The following PACRG variants were observed in gnomAD, a reference collection of about 807,000 sequenced individuals.
PACRG encodes parkin coregulated.
PACRG carries 29 observed loss-of-function variants against 29.7 expected under a neutral mutation model. That is an observed-to-expected ratio of 0.98 (90% CI 0.73 to 1.33). PACRG has a LOEUF of 1.33. Among genes scored for constraint, PACRG ranks in the 40% most tolerant of loss-of-function variants. The probability of loss-of-function intolerance (pLI) is 0.00; values close to 1 mark genes in which losing one functional copy is unlikely to be tolerated. For missense variants in PACRG, 279 were observed against 316.2 expected (o/e 0.88, Z 0.89); for synonymous variants, 116 against 118.7 (o/e 0.98, Z 0.15).
intron 1 of PACRG, among the ~76,000 whole-genome samples, chr6:162,793,376 T>C (rs1217955227): frequency 6.6e-6 from 1 of 152,216 alleles, no homozygotes; most frequent in Admixed American, 6.5e-5. Flanking sequence ...TATTTTTATT[T>C]TTCAGAAGTA....
chr6:163,089,225 A>G (rs1048944205), intron 3 of PACRG, 34 bp from the exon 4 acceptor site: 24 of 1,596,934 alleles, frequency 1.5e-5, no homozygotes, highest in African/African-American at 2.7e-5. Context: ...TTCTATTAAA[A>G]TATTTTCTGC....
At chr6:162,885,621 G>A (rs946730018) in intron 2 of PACRG, among the ~76,000 whole-genome samples, 7 of 152,138 alleles carry the variant, frequency 4.6e-5, no homozygotes, top group African/African-American at 1.7e-4. Context: ...ATTATGTATT[G>A]ATCGTTGATG....
chr6:162,912,198 A>G (rs79593221), intron 2 of PACRG, among the ~76,000 whole-genome samples: 293 of 152,344 alleles, frequency 1.9e-3, no homozygotes, highest in Non-Finnish European at 2.9e-3. Context: ...ACTCCCTAGT[A>G]TATTTCCATC....
intron 2 of PACRG, among the ~76,000 whole-genome samples, chr6:162,869,812 T>G (rs1484469138): frequency 6.6e-6 from 1 of 152,238 alleles, no homozygotes; most frequent in Non-Finnish European, 1.5e-5. Context: ...TTATTATTAC[T>G]GTGAAACTAA....
intron 4 of PACRG, among the ~76,000 whole-genome samples, chr6:163,297,672 T>C (rs185762998): frequency 5.3e-5 from 8 of 152,292 alleles, no homozygotes; most frequent in African/African-American, 1.9e-4. Context: ...ATTCACACTT[T>C]TCACATACAA....
chr6:163,019,371 C>T (rs1302145145), intron 2 of PACRG, among the ~76,000 whole-genome samples: 1 of 152,190 alleles, frequency 6.6e-6, no homozygotes, highest in Non-Finnish European at 1.5e-5. Context: ...TCTCTTCTGT[C>T]TTTCCCTCCT....
chr6:162,811,746 T>C (rs1434932746), intron 1 of PACRG, among the ~76,000 whole-genome samples: 1 of 152,154 alleles, frequency 6.6e-6, no homozygotes, highest in African/African-American at 2.4e-5. Flanking sequence ...GATGTATCCA[T>C]GCCATGGAAT....
chr6:163,308,874 G>C (rs1450393438), intron 4 of PACRG, among the ~76,000 whole-genome samples: 2 of 152,194 alleles, frequency 1.3e-5, no homozygotes, highest in Admixed American at 1.3e-4. Context: ...GCCAGCTTTA[G>C]CTGTGACTGA....
chr6:163,108,521 T>TTCA (rs1646716300), intron 4 of PACRG, among the ~76,000 whole-genome samples: 1 of 150,788 alleles, frequency 6.6e-6, no homozygotes, highest in Non-Finnish European at 1.5e-5. Context: ...AGTCCCTGAG[T>TTCA]AGCTGGGACC....
intron 2 of PACRG, among the ~76,000 whole-genome samples, chr6:163,010,348 T>A (rs1272988162): frequency 2.0e-5 from 3 of 152,208 alleles, no homozygotes; most frequent in Non-Finnish European, 4.4e-5. Context: ...CAGGGAGAAT[T>A]GAGGACGTCA....
In PACRG at chr6:162,899,277, AC is replaced by A. The variant is rs556532365; in HGVS notation, c.291+84997del. ...AGGAGGTTAGAGGGAGATGCAGTACACTCTCACCAGGCAGTGTGAAGACAGG... is the reference window on the plus strand; with the variant it reads ...AGGAGGTTAGAGGGAGATGCAGTACATCTCACCAGGCAGTGTGAAGACAGG... On this transcript the variant is annotated intron_variant, in intron 2 of 4. Coordinates refer to ENST00000366888, the MANE Select transcript of PACRG (RefSeq NM_001080379.2). 2.5e-4 allele frequency among the ~76,000 whole-genome samples: 38 copies of A among 152,118 alleles called. 1 individual carries two copies. The South Asian group carries it at 5.2e-3, about 21-fold the overall frequency.
At chr6:163,209,712 C>T (rs1191135348) in intron 4 of PACRG, among the ~76,000 whole-genome samples, 1 of 152,138 alleles carries the variant, frequency 6.6e-6, no homozygotes, top group East Asian at 1.9e-4. Context: ...GACAACATAT[C>T]CAAGCCATAA....
In PACRG at chr6:163,099,912, T is replaced by C. The variant is rs117941288; in HGVS notation, c.613+10504T>C. On this transcript the variant is annotated intron_variant, in intron 4 of 4. Coordinates refer to ENST00000366888, the MANE Select transcript of PACRG (RefSeq NM_001080379.2). ...TCGCACGTGCTCTTCTAGAGACTGATGGGAACGCTCAGCTTGCTTCACTCT... is the reference window on the plus strand; with the variant it reads ...TCGCACGTGCTCTTCTAGAGACTGACGGGAACGCTCAGCTTGCTTCACTCT... 4.3e-3 allele frequency among the ~76,000 whole-genome samples: 649 copies of C among 152,222 alleles called. 12 individuals are homozygous for C. In the East Asian group the frequency reaches 0.056, roughly 13 times the overall value.
chr6:163,268,815 C>T (rs573886104), intron 4 of PACRG, among the ~76,000 whole-genome samples: 4 of 152,270 alleles, frequency 2.6e-5, no homozygotes, highest in South Asian at 2.1e-4. Flanking sequence ...AGTGGCTCCC[C>T]GTAGCTTCCT....
chr6:162,900,340 C>A (rs570389174), intron 2 of PACRG, among the ~76,000 whole-genome samples: 1 of 152,224 alleles, frequency 6.6e-6, no homozygotes, highest in African/African-American at 2.4e-5. Flanking sequence ...ATATCCGTCC[C>A]CATTCTACCC....
intron 2 of PACRG, among the ~76,000 whole-genome samples, chr6:162,966,692 G>A (rs1801060160): frequency 6.6e-6 from 1 of 151,934 alleles, no homozygotes; most frequent in Non-Finnish European, 1.5e-5. Flanking sequence ...TAGCCAGGAT[G>A]GTCTCGATCT....
chr6:162,763,871 G>A (rs1271077555), intron 1 of PACRG, among the ~76,000 whole-genome samples: 2 of 150,284 alleles, frequency 1.3e-5, no homozygotes, highest in South Asian at 4.1e-4. Flanking sequence ...CTCAACTAAA[G>A]ACGGATATCA....
intron 2 of PACRG, among the ~76,000 whole-genome samples, chr6:162,842,725 C>T (rs1426985635): frequency 3.6e-4 from 46 of 127,138 alleles, no homozygotes; most frequent in African/African-American, 1.3e-3. Context: ...GATTTTGCAG[C>T]GGCTGGTACC....
Position 162,778,152 on chromosome 6 carries a change from C to T in PACRG, c.157-35995C>T, listed in dbSNP as rs141254416. Among the ~76,000 whole-genome samples, 21 of 152,180 alleles carry T rather than the reference C, an allele frequency of 1.4e-4. No homozygotes were observed. The East Asian group carries it at 3.7e-3, about 27-fold the overall frequency. ...GGAGGAAACAGGTGTGAGAATTGCA[C>T]GATGCACGGTGGCAGAGCAGCGCTG... On this transcript the variant is annotated intron_variant, in intron 1 of 4. Transcript: ENST00000366888.
Sources: gnomAD v4.1 joint callset for allele counts (sites outside exome capture counted in the v4.1 genomes callset) on GRCh38, gnomAD v4.1.1 for gene constraint, MANE v1.5 for transcripts, NCBI Gene and HGNC (gene_info 2026-07-23, HGNC 2026-07-21) for gene names.